The following CTNNA3 variants were observed in gnomAD, a reference collection of about 807,000 sequenced individuals.
CTNNA3 encodes catenin alpha 3.
A neutral mutation model predicts 95.7 loss-of-function variants in CTNNA3; 76 were observed. That is an observed-to-expected ratio of 0.79 (90% CI 0.66 to 0.96). The LOEUF is 0.96. CTNNA3 is among the 40% of genes least tolerant of loss of function. The probability of loss-of-function intolerance (pLI) is 0.00; values close to 1 mark genes in which losing one functional copy is unlikely to be tolerated. For synonymous variants in CTNNA3, 431 were observed against 374.4 expected, an observed-to-expected ratio of 1.15 and a Z score of -1.74; for missense variants, 1,191 against 1,089.8, an observed-to-expected ratio of 1.09 and a Z score of -1.31.
chr10:67,421,628 A>G (rs1432404144), intron 5 of CTNNA3, among the ~76,000 whole-genome samples: 1 of 152,200 alleles, frequency 6.6e-6, no homozygotes, highest in Non-Finnish European at 1.5e-5. Flanking sequence ...GGGTTTCTTG[A>G]ACAATAAATC....
intron 5 of CTNNA3, among the ~76,000 whole-genome samples, chr10:67,339,605 C>G (rs1428800135): frequency 6.9e-6 from 1 of 145,058 alleles, no homozygotes; most frequent in Non-Finnish European, 1.5e-5. Context: ...CTACGGAGAA[C>G]TAGAAAAATC....
chr10:67,620,849 A>T (rs1030306290), intron 2 of CTNNA3, among the ~76,000 whole-genome samples: 6 of 150,766 alleles, frequency 4.0e-5, no homozygotes, highest in Admixed American at 2.6e-4. Flanking sequence ...GCCTTAATTT[A>T]TTTAATTTGT....
At chr10:66,051,010 T>G (rs1214970284) in intron 15 of CTNNA3, among the ~76,000 whole-genome samples, 1 of 152,070 alleles carries the variant, frequency 6.6e-6, no homozygotes, top group African/African-American at 2.4e-5. Flanking sequence ...TGGGCTACCA[T>G]GCCCAGCTAA....
At chr10:66,755,412 G>A (rs564269686) in intron 9 of CTNNA3, among the ~76,000 whole-genome samples, 9 of 152,202 alleles carry the variant, frequency 5.9e-5, no homozygotes, top group East Asian at 3.9e-4. Context: ...GGAAACAATC[G>A]AAATGAGTGA....
chr10:66,097,788 A>G (rs2081455582), intron 14 of CTNNA3, among the ~76,000 whole-genome samples: 1 of 152,182 alleles, frequency 6.6e-6, no homozygotes, highest in African/African-American at 2.4e-5. Context: ...CTAAGTCTCT[A>G]CTACGACTGC....
At chr10:67,600,316 G>GT (rs909813039) in intron 3 of CTNNA3, among the ~76,000 whole-genome samples, 29 of 151,010 alleles carry the variant, frequency 1.9e-4, no homozygotes, top group African/African-American at 4.9e-4. Context: ...TGTTAACAAA[G>GT]TTTTTTTTTA....
chr10:67,338,489 C>A lies in CTNNA3; in HGVS notation c.580-118619G>T, dbSNP rs111978265. Among the ~76,000 whole-genome samples the A allele has an allele frequency of 7.7e-4, 117 of 152,108 alleles. 1 individual carries two copies. The highest frequency in any genetic ancestry group is 2.7e-3 in the African/African-American group (113 of 41,490). ...ATTTCAACATGAAATGTGGAGGGGACAAACATCCACACCATATCAGAGACC... is the reference window on the plus strand; with the variant it reads ...ATTTCAACATGAAATGTGGAGGGGAAAAACATCCACACCATATCAGAGACC... On this transcript the variant is annotated intron_variant, in intron 5 of 17. Coordinates refer to ENST00000433211, the MANE Select transcript of CTNNA3 (RefSeq NM_013266.4).
chr10:66,137,226 G>A (rs903868143), intron 13 of CTNNA3, among the ~76,000 whole-genome samples: 1 of 152,020 alleles, frequency 6.6e-6, no homozygotes, highest in Non-Finnish European at 1.5e-5. Flanking sequence ...CGTGACTCCT[G>A]TGCAACGCAA....
At chr10:67,567,005 A>G (rs1489510561) in intron 3 of CTNNA3, among the ~76,000 whole-genome samples, 3 of 115,026 alleles carry the variant, frequency 2.6e-5, no homozygotes, top group Non-Finnish European at 4.9e-5. Flanking sequence ...GGAACATCAC[A>G]CTCTGGGGAC....
At chr10:65,979,399 C>G (rs1314498040) in intron 16 of CTNNA3, among the ~76,000 whole-genome samples, 4 of 152,040 alleles carry the variant, frequency 2.6e-5, no homozygotes, top group African/African-American at 9.7e-5. Flanking sequence ...AAGTGTCACC[C>G]TCTCCCTCAT....
intron 1 of CTNNA3, among the ~76,000 whole-genome samples, chr10:67,679,552 G>C (rs1302153776): frequency 6.6e-6 from 1 of 152,102 alleles, no homozygotes; most frequent in Non-Finnish European, 1.5e-5. Flanking sequence ...TTGGTCTCTA[G>C]AAAAGTATCA....
intron 5 of CTNNA3, among the ~76,000 whole-genome samples, chr10:67,425,500 G>A (rs996924684): frequency 6.6e-6 from 1 of 151,978 alleles, no homozygotes; most frequent in Non-Finnish European, 1.5e-5. Context: ...GAACTGGAAT[G>A]CTTTTTCTCT....
At chr10:66,336,597 T>C (rs2092399188) in intron 12 of CTNNA3, among the ~76,000 whole-genome samples, 1 of 152,150 alleles carries the variant, frequency 6.6e-6, no homozygotes, top group Admixed American at 6.5e-5. Flanking sequence ...CTTCACACAA[T>C]ATTTTTTGTA....
chr10:66,865,472 G>A (rs989229187), intron 7 of CTNNA3, among the ~76,000 whole-genome samples: 2 of 151,420 alleles, frequency 1.3e-5, no homozygotes, highest in Non-Finnish European at 2.9e-5. Flanking sequence ...TTTCATTAAT[G>A]TGTTTTTTCT....
At chr10:67,057,154 T>C (rs1190742050) in intron 7 of CTNNA3, among the ~76,000 whole-genome samples, 1 of 152,206 alleles carries the variant, frequency 6.6e-6, no homozygotes, top group Non-Finnish European at 1.5e-5. Context: ...TATTGAGATA[T>C]AATTGACAAA....
chr10:65,978,425 T>C (rs547612884), intron 16 of CTNNA3, among the ~76,000 whole-genome samples: 3 of 148,808 alleles, frequency 2.0e-5, no homozygotes, highest in African/African-American at 5.2e-5. Context: ...GACTGTATTG[T>C]AAGCATTTTT....
rs1057209095 is a variant in CTNNA3 at position 66,810,598 on chromosome 10, A to G, written c.1048-35074T>C. ...TTCCCATGTTGCTCCCACATCCCCTAAAATAACTCCAACACTTCAGCTAGA... is the reference window on the plus strand; with the variant it reads ...TTCCCATGTTGCTCCCACATCCCCTGAAATAACTCCAACACTTCAGCTAGA... On this transcript the variant is annotated intron_variant, in intron 7 of 17. Transcript: ENST00000433211. Among the ~76,000 whole-genome samples the G allele has an allele frequency of 2.0e-5, 3 of 152,096 alleles. No individual in the cohort carries two copies. The East Asian group carries it at 5.8e-4, about 29-fold the overall frequency.
intron 16 of CTNNA3, among the ~76,000 whole-genome samples, chr10:65,981,032 C>T (rs1023722027): frequency 5.9e-5 from 9 of 151,864 alleles, no homozygotes; most frequent in East Asian, 1.9e-4. Context: ...GCATCCAAAT[C>T]GGTAAAGAGG....
intron 13 of CTNNA3, among the ~76,000 whole-genome samples, chr10:66,257,507 T>G (rs1326434863): frequency 2.0e-5 from 3 of 152,324 alleles, no homozygotes; most frequent in East Asian, 3.9e-4. Flanking sequence ...CCAGCTGTAT[T>G]AACTCACACT....
Sources: allele counts gnomAD v4.1 joint callset (sites outside exome capture counted in the v4.1 genomes callset), GRCh38; gene constraint gnomAD v4.1.1; transcripts MANE v1.5; gene names NCBI Gene and HGNC (gene_info 2026-07-23, HGNC 2026-07-21).